Variants in ATP2B3 observed in about 807,000 individuals in gnomAD.
The protein encoded by ATP2B3 is ATPase plasma membrane Ca2+ transporting 3.
ATP2B3 carries 12 observed loss-of-function variants against 70.8 expected under a neutral mutation model. The ratio of observed to expected loss-of-function variants is 0.17; its 90% CI spans 0.11 to 0.27. The LOEUF (loss-of-function observed/expected upper bound fraction) is 0.27. Among genes scored for constraint, ATP2B3 ranks in the 10% least tolerant of loss-of-function variants. The probability of loss-of-function intolerance (pLI) is 1.00; values close to 1 mark genes in which losing one functional copy is unlikely to be tolerated. For missense variants in ATP2B3, 858 were observed against 1,118.5 expected, an observed-to-expected ratio of 0.77 and a Z score of 3.32; for synonymous variants, 460 against 497.8, an observed-to-expected ratio of 0.92 and a Z score of 1.01.
chrX:153,569,045 G>A (rs180867275), intron 21 of ATP2B3, among the ~76,000 whole-genome samples: 4 of 112,545 alleles, frequency 3.6e-5, no homozygotes, highest in Admixed American at 9.3e-5. Context: ...GCGAAGCCAC[G>A]GCTGCCAGTC....
intron 2 of ATP2B3, among the ~76,000 whole-genome samples, chrX:153,534,793 C>T: frequency 8.8e-6 from 1 of 113,339 alleles, no homozygotes; most frequent in East Asian, 2.8e-4. Context: ...CAGGTGCCCA[C>T]GCTTTTCAAA....
intron 9 of ATP2B3, among the ~76,000 whole-genome samples, 169 bp from the exon 10 acceptor site, chrX:153,548,471 C>T: frequency 8.9e-6 from 1 of 111,933 alleles, no homozygotes; most frequent in East Asian, 2.8e-4. Context: ...CAGGCCCCAG[C>T]TCACCTGCTG....
chrX:153,560,769 T>C lies in ATP2B3; in HGVS notation c.2933T>C (p.Met978Thr). 2.5e-6 allele frequency: 3 copies of C among 1,212,025 alleles called. No homozygotes were observed. Among genetic ancestry groups the C allele is most frequent in the Non-Finnish European group, 1.1e-6 (1 of 895,569 alleles). Residue 978 changes from methionine to threonine, a missense_variant, in exon 19 of 22, where the codon ATG becomes ACG. Around this residue, in one of 5 missense-constraint regions of ATP2B3, gnomAD observed 265 missense variants for 305.3 expected, o/e 0.87. Transcript: ENST00000263519. ...HYTIIFNTFVMMQLFNEINAR... is the reference protein window; with the variant it reads ...HYTIIFNTFVTMQLFNEINAR... ...ACCATCATCTTCAACACGTTCGTCA[T>C]GATGCAGCTCTTTAACGAGATCAAC...
chrX:153,545,094 G>GC (rs2090344777), intron 7 of ATP2B3, among the ~76,000 whole-genome samples: 1 of 14,451 alleles, frequency 6.9e-5, no homozygotes, highest in African/African-American at 1.0e-4. Context: ...AGTAGGGTCG[G>GC]GGGGGGGGCC....
intron 2 of ATP2B3, among the ~76,000 whole-genome samples, chrX:153,520,880 G>A (rs782065418): frequency 1.8e-5 from 2 of 112,692 alleles, no homozygotes; most frequent in Non-Finnish European, 3.8e-5. Context: ...TTCTTGGGAA[G>A]ACCTTGCAGC....
At chrX:153,532,063 G>A (rs1243991642) in intron 2 of ATP2B3, among the ~76,000 whole-genome samples, 1 of 112,387 alleles carries the variant, frequency 8.9e-6, no homozygotes, top group African/African-American at 3.2e-5. Context: ...GGCAGGGCTG[G>A]GAGAACCAGG....
At chrX:153,540,693 C>T (rs1234724048) in intron 3 of ATP2B3, among the ~76,000 whole-genome samples, 2 of 112,454 alleles carry the variant, frequency 1.8e-5, no homozygotes, top group Non-Finnish European at 3.8e-5. Context: ...ACCGGCTGGC[C>T]CCATCTTACA....
intron 2 of ATP2B3, among the ~76,000 whole-genome samples, chrX:153,521,814 G>A (rs1556997936): frequency 8.9e-6 from 1 of 112,235 alleles, no homozygotes; most frequent in Non-Finnish European, 1.9e-5. Flanking sequence ...AGCCACCCAA[G>A]GCTGGTGGCT....
intron 15 of ATP2B3, 107 bp downstream of exon 15, chrX:153,556,525 A>C (rs908473176): frequency 2.7e-5 from 23 of 843,121 alleles, no homozygotes; most frequent in South Asian, 7.3e-5. Context: ...CTGCCTAGGA[A>C]GCTGGGTCCA....
chrX:153,563,391 T>G (rs1270518532), intron 20 of ATP2B3, among the ~76,000 whole-genome samples: 1 of 111,133 alleles, frequency 9.0e-6, no homozygotes, highest in Non-Finnish European at 1.9e-5. Flanking sequence ...TCTGCCTGCC[T>G]CAGCCTCCCA....
rs375218788 is a variant in ATP2B3 at position 153,536,225 on chromosome X, T to C, written c.-23T>C. 1.8e-5 allele frequency: 21 copies of C among 1,175,298 alleles called. No homozygotes were observed. The African/African-American group carries it at 3.7e-4, about 21-fold the overall frequency. ...GCTGTGGCTGAGCCAAGATTGCACT[T>C]GTGAGAAGGCCTGACAGGCAGCATG... is the stretch of plus-strand genomic sequence containing the variant. On this transcript the variant is annotated 5_prime_UTR_variant, in exon 3 of 22. Transcript: ENST00000263519.
chrX:153,558,081 C>A, intron 16 of ATP2B3, 31 bp from the exon 17 acceptor site: 2 of 1,182,568 alleles, frequency 1.7e-6, no homozygotes, highest in South Asian at 1.9e-5. Flanking sequence ...CCCACAAACA[C>A]TCTGTGTGAG....
intron 2 of ATP2B3, among the ~76,000 whole-genome samples, chrX:153,524,036 A>C (rs2089996121): frequency 9.0e-6 from 1 of 111,719 alleles, no homozygotes; most frequent in South Asian, 3.7e-4. Flanking sequence ...ATGAAAAAAC[A>C]GTGACAATTT....
At chrX:153,547,168 C>T (rs1189635751) in intron 8 of ATP2B3, among the ~76,000 whole-genome samples, 3 of 110,859 alleles carry the variant, frequency 2.7e-5, no homozygotes, top group Non-Finnish European at 5.7e-5. Flanking sequence ...GGAGTGGGTG[C>T]GGCCAGAGCT....
intron 3 of ATP2B3, 53 bp from the exon 4 acceptor site, chrX:153,541,306 G>T: frequency 8.4e-7 from 1 of 1,197,462 alleles, no homozygotes; most frequent in Non-Finnish European, 1.1e-6. Context: ...GACACACAAG[G>T]CCGACCCGTC....
At chrX:153,525,375 G>A (rs1478975773) in intron 2 of ATP2B3, among the ~76,000 whole-genome samples, 2 of 112,251 alleles carry the variant, frequency 1.8e-5, no homozygotes, top group African/African-American at 6.5e-5. Context: ...TGACCAAATG[G>A]GAAGGGGCCC....
In ATP2B3 at chrX:153,556,235, C is replaced by T. The variant is rs782184932; in HGVS notation, c.2238+7C>T. The stretch of plus-strand genomic sequence containing the variant: ...CCGCAATGAGAAAGGCGAGGTAGCA[C>T]CCGGCTGTCTGCCACCCCAGACCCC... On this transcript the variant is annotated splice_region_variant and intron_variant, in intron 14 of 21. Coordinates refer to ENST00000263519, the MANE Select transcript of ATP2B3 (RefSeq NM_001001344.3). 2 of 1,207,428 alleles carry T rather than the reference C, an allele frequency of 1.7e-6. No individual in the cohort carries two copies. Among genetic ancestry groups the T allele is most frequent in the South Asian group, 3.5e-5 (2 of 56,398 alleles).
intron 2 of ATP2B3, among the ~76,000 whole-genome samples, chrX:153,518,855 T>G (rs1556997007): frequency 8.9e-6 from 1 of 112,040 alleles, no homozygotes; most frequent in African/African-American, 3.2e-5. Flanking sequence ...TCATATAACT[T>G]TCAAAGATGA....
At chrX:153,557,890 C>A (rs949064266) in intron 16 of ATP2B3, among the ~76,000 whole-genome samples, 1 of 107,731 alleles carries the variant, frequency 9.3e-6, no homozygotes, top group African/African-American at 3.4e-5. Context: ...AAGCCCCCCC[C>A]CCCACCGTGA....
Sources: allele counts gnomAD v4.1 joint callset (sites outside exome capture counted in the v4.1 genomes callset), GRCh38; gene constraint gnomAD v4.1.1; regional missense constraint gnomAD v4.1.1; transcripts MANE v1.5; gene names NCBI Gene and HGNC (gene_info 2026-07-23, HGNC 2026-07-21).